The following NAALADL2 variants were observed in gnomAD, a reference collection of about 807,000 sequenced individuals.
NAALADL2 encodes N-acetylated alpha-linked acidic dipeptidase like 2.
A neutral mutation model predicts 87.2 loss-of-function variants in NAALADL2; 76 were observed. That is an observed-to-expected ratio of 0.87 (90% CI 0.72 to 1.05). NAALADL2 has a LOEUF of 1.05. NAALADL2 is among the 50% of genes least tolerant of loss of function. The probability of loss-of-function intolerance (pLI) is 0.00; values close to 1 mark genes in which losing one functional copy is unlikely to be tolerated. For missense variants in NAALADL2, 1,089 were observed against 945.8 expected (o/e 1.15, Z -1.99); for synonymous variants, 354 against 331.0 (o/e 1.07, Z -0.75).
Position 174,486,939 on chromosome 3 carries a change from A to T in NAALADL2, c.-184+45907A>T, listed in dbSNP as rs529793338. On this transcript the variant is annotated intron_variant, in intron 1 of 3. Coordinates refer to the NAALADL2 transcript ENST00000434257. Reference sequence around the variant, plus strand: ...CCTAAACAAGAGCTGCCACCTTCTTATGCCCAACTTTTGGCCATAGTCATT... The same window carrying T: ...CCTAAACAAGAGCTGCCACCTTCTTTTGCCCAACTTTTGGCCATAGTCATT... Among the ~76,000 whole-genome samples, 30 of 152,086 alleles carry T rather than the reference A, an allele frequency of 2.0e-4. No individual in the cohort carries two copies. In the South Asian group the frequency reaches 2.5e-3, roughly 13 times the overall value.
At chr3:174,463,590 A>G (rs1716338789) in intron 1 of NAALADL2, among the ~76,000 whole-genome samples, 1 of 145,484 alleles carries the variant, frequency 6.9e-6, no homozygotes, top group African/African-American at 2.5e-5. Context: ...GCTATACCCT[A>G]AAGATTATCT....
chr3:174,810,118 A>G (rs542725261), intron 3 of NAALADL2, among the ~76,000 whole-genome samples: 3 of 152,272 alleles, frequency 2.0e-5, no homozygotes, highest in African/African-American at 7.2e-5. Flanking sequence ...TTTATAAATG[A>G]TCCATTCTCA....
intron 9 of NAALADL2, among the ~76,000 whole-genome samples, chr3:175,529,961 G>C (rs552442700): frequency 6.6e-6 from 1 of 152,116 alleles, no homozygotes; most frequent in African/African-American, 2.4e-5. Context: ...TGATCACCCC[G>C]AGGAATGGTG....
chr3:175,076,639 A>C (rs1716653147), intron 1 of NAALADL2, among the ~76,000 whole-genome samples: 1 of 152,144 alleles, frequency 6.6e-6, no homozygotes. Context: ...AAATGTATAA[A>C]ATATTGTTTG....
chr3:174,646,571 T>C (rs545730510), intron 2 of NAALADL2, among the ~76,000 whole-genome samples: 1 of 150,612 alleles, frequency 6.6e-6, no homozygotes, highest in Admixed American at 6.6e-5. Context: ...GTACAAAAAT[T>C]CATTTAAAAT....
intron 5 of NAALADL2, among the ~76,000 whole-genome samples, chr3:175,441,792 AG>A (rs1256054931): frequency 6.6e-6 from 1 of 151,984 alleles, no homozygotes; most frequent in Non-Finnish European, 1.5e-5. Flanking sequence ...AAAACACACC[AG>A]GCCCCTCTTT....
At chr3:175,604,285 A>G (rs1176029912) in intron 10 of NAALADL2, among the ~76,000 whole-genome samples, 2 of 147,332 alleles carry the variant, frequency 1.4e-5, no homozygotes, top group East Asian at 4.0e-4. Flanking sequence ...TCTTTTTCTC[A>G]TATGACATTG....
At chr3:175,718,222 T>G in intron 11 of NAALADL2, 1 of 1,051,556 alleles carries the variant, frequency 9.5e-7, no homozygotes, top group Non-Finnish European at 1.4e-6. Context: ...TTTTTTTTTT[T>G]TGATTAGTTG....
chr3:174,476,537 T>G (rs1041360245), intron 1 of NAALADL2, among the ~76,000 whole-genome samples: 2 of 152,044 alleles, frequency 1.3e-5, no homozygotes, highest in Non-Finnish European at 1.5e-5. Flanking sequence ...TCAAATGGCT[T>G]ATTCATTTTT....
rs187304079 is a variant in NAALADL2, at chr3:174,700,001, T to C, written c.-114-37640T>C. On this transcript the variant is annotated intron_variant, in intron 2 of 3. Coordinates refer to the NAALADL2 transcript ENST00000434257. ...ATAGCCATTGCTGGAAGTGTCAGGT[T>C]CAATTCTCCCTCTTGTCTTTCCAGA... Among the ~76,000 whole-genome samples, 81 of 152,270 alleles carry C rather than the reference T, an allele frequency of 5.3e-4. 1 individual carries two copies. The highest frequency in any genetic ancestry group is 1.9e-3 in the African/African-American group (80 of 41,570).
At chr3:174,734,093 A>C (rs1732964352) in intron 2 of NAALADL2, among the ~76,000 whole-genome samples, 1 of 152,108 alleles carries the variant, frequency 6.6e-6, no homozygotes, top group Non-Finnish European at 1.5e-5. Flanking sequence ...TTCGGTGTTG[A>C]GGGGGAGCAG....
At chr3:174,878,348 C>G (rs1728771104) in intron 1 of NAALADL2, among the ~76,000 whole-genome samples, 1 of 151,936 alleles carries the variant, frequency 6.6e-6, no homozygotes, top group Admixed American at 6.6e-5. Context: ...CTCAATGAGT[C>G]TACTCAGTGG....
intron 5 of NAALADL2, among the ~76,000 whole-genome samples, chr3:175,376,025 C>A (rs1767079496): frequency 6.6e-6 from 1 of 152,072 alleles, no homozygotes; most frequent in African/African-American, 2.4e-5. Flanking sequence ...GTAAAAACTT[C>A]ATGACTGTAT....
chr3:175,628,914 T>G (rs188387539), intron 11 of NAALADL2, among the ~76,000 whole-genome samples: 1 of 150,484 alleles, frequency 6.6e-6, no homozygotes, highest in Admixed American at 6.6e-5. Context: ...TTACTTAAAA[T>G]TATTCTAAGC....
chr3:174,604,496 G>A (rs181238244), intron 2 of NAALADL2, among the ~76,000 whole-genome samples: 1 of 152,064 alleles, frequency 6.6e-6, no homozygotes, highest in African/African-American at 2.4e-5. Flanking sequence ...AGATCACTGA[G>A]TCCTGTTTTT....
At chr3:174,733,266 C>T (rs185897352) in intron 2 of NAALADL2, among the ~76,000 whole-genome samples, 90 of 152,176 alleles carry the variant, frequency 5.9e-4, no homozygotes, top group African/African-American at 2.0e-3. Context: ...TTTTCTGCAA[C>T]CTGAGGAAAA....
chr3:175,666,110 T>C (rs1732954683), intron 11 of NAALADL2, among the ~76,000 whole-genome samples: 1 of 152,140 alleles, frequency 6.6e-6, no homozygotes, highest in African/African-American at 2.4e-5. Context: ...AATCTAGATC[T>C]CCTGAATCCA....
At chr3:174,870,621 A>G (rs1289100249) in intron 1 of NAALADL2, among the ~76,000 whole-genome samples, 4 of 152,106 alleles carry the variant, frequency 2.6e-5, no homozygotes, top group Non-Finnish European at 5.9e-5. Flanking sequence ...GCCATTTAGT[A>G]AATGCCACGA....
At chr3:175,390,239 A>C (rs1768913365) in intron 5 of NAALADL2, among the ~76,000 whole-genome samples, 1 of 152,128 alleles carries the variant, frequency 6.6e-6, no homozygotes, top group Admixed American at 6.5e-5. Flanking sequence ...CTAAAACAAA[A>C]AATAGGGCTC....
Sources: gnomAD v4.1 joint callset for allele counts (sites outside exome capture counted in the v4.1 genomes callset) on GRCh38, gnomAD v4.1.1 for gene constraint, MANE v1.5 for transcripts, NCBI Gene and HGNC (gene_info 2026-07-23, HGNC 2026-07-21) for gene names.